The following CPQ variants were observed in gnomAD, a reference collection of about 807,000 sequenced individuals.
CPQ encodes carboxypeptidase Q, also known as Ser-Met dipeptidase.
Under a neutral mutation model 45.7 loss-of-function variants are expected in CPQ, and 37 were observed. The ratio of observed to expected loss-of-function variants is 0.81; its 90% CI spans 0.62 to 1.07. The LOEUF (loss-of-function observed/expected upper bound fraction) is 1.07, where lower values mean the gene tolerates loss of function less well. CPQ is among the 50% of genes least tolerant of loss of function. CPQ has a pLI of 0.00. For missense variants in CPQ, 537 were observed against 572.9 expected (o/e 0.94, Z 0.64); for synonymous variants, 186 against 205.8 (o/e 0.90, Z 0.82).
chr8:96,797,122 C>CT (rs762723931), intron 2 of CPQ, among the ~76,000 whole-genome samples: 1 of 152,190 alleles, frequency 6.6e-6, no homozygotes, highest in Non-Finnish European at 1.5e-5. Context: ...CACAGAAAAT[C>CT]TAGAGATTTT....
intron 7 of CPQ, among the ~76,000 whole-genome samples, chr8:97,117,564 TG>T (rs953129011): frequency 4.2e-4 from 64 of 152,186 alleles, no homozygotes; most frequent in African/African-American, 1.5e-3. Flanking sequence ...GACAGGATCT[TG>T]CCCTGTACCC....
intron 3 of CPQ, among the ~76,000 whole-genome samples, chr8:96,854,754 A>G (rs1811824391): frequency 6.6e-6 from 1 of 152,108 alleles, no homozygotes; most frequent in Non-Finnish European, 1.5e-5. Flanking sequence ...AAGTGAGCTA[A>G]TGCTTTAGTT....
intron 1 of CPQ, among the ~76,000 whole-genome samples, chr8:96,687,193 C>G (rs1809242987): frequency 6.6e-6 from 1 of 150,952 alleles, no homozygotes; most frequent in Non-Finnish European, 1.5e-5. Context: ...CTCTTCTCTT[C>G]TCTTCTTTTC....
intron 2 of CPQ, among the ~76,000 whole-genome samples, chr8:96,793,013 G>A (rs1411941571): frequency 1.3e-5 from 2 of 151,926 alleles, no homozygotes; most frequent in Non-Finnish European, 2.9e-5. Flanking sequence ...ACTATCACAA[G>A]AACAGCATGG....
chr8:96,810,679 C>T (rs1811150874), intron 2 of CPQ, among the ~76,000 whole-genome samples: 1 of 152,126 alleles, frequency 6.6e-6, no homozygotes, highest in Non-Finnish European at 1.5e-5. Flanking sequence ...ATATATTCAC[C>T]TTCAACTTTA....
chr8:97,074,514 G>T (rs928380069), intron 7 of CPQ, among the ~76,000 whole-genome samples: 1 of 152,218 alleles, frequency 6.6e-6, no homozygotes, highest in Non-Finnish European at 1.5e-5. Flanking sequence ...GCCCACGCCT[G>T]TAATCCCAGG....
intron 2 of CPQ, among the ~76,000 whole-genome samples, chr8:96,805,767 C>T (rs1252423847): frequency 6.6e-6 from 1 of 151,834 alleles, no homozygotes; most frequent in African/African-American, 2.4e-5. Context: ...AAACTTGGGA[C>T]CTCTCTGTTG....
chr8:96,703,592 T>C (rs1809496999), intron 1 of CPQ, among the ~76,000 whole-genome samples: 1 of 152,180 alleles, frequency 6.6e-6, no homozygotes, highest in Admixed American at 6.5e-5. Flanking sequence ...GTTGTTCTAA[T>C]TGCCTTCTGG....
intron 7 of CPQ, among the ~76,000 whole-genome samples, chr8:97,066,877 G>T (rs1294648507): frequency 6.7e-6 from 1 of 148,838 alleles, no homozygotes; most frequent in East Asian, 2.0e-4. Context: ...ACATGAGGAG[G>T]TTACTTACAG....
chr8:96,982,488 A>G (rs570074830), intron 5 of CPQ, among the ~76,000 whole-genome samples: 1 of 152,136 alleles, frequency 6.6e-6, no homozygotes, highest in African/African-American at 2.4e-5. Flanking sequence ...ACAGGCATGC[A>G]CCACCATACC....
intron 6 of CPQ, among the ~76,000 whole-genome samples, chr8:97,043,890 G>T (rs918227733): frequency 6.6e-6 from 1 of 152,174 alleles, no homozygotes; most frequent in Non-Finnish European, 1.5e-5. Flanking sequence ...TGGGTAACCC[G>T]ACCTTTCTCT....
chr8:96,689,549 A>G (rs1202649622), intron 1 of CPQ, among the ~76,000 whole-genome samples: 1 of 152,208 alleles, frequency 6.6e-6, no homozygotes, highest in African/African-American at 2.4e-5. Flanking sequence ...GGAAAAAGGG[A>G]AGAAGGGAAC....
chr8:96,915,459 A>G (rs988406158), intron 4 of CPQ, among the ~76,000 whole-genome samples: 8 of 152,240 alleles, frequency 5.3e-5, no homozygotes, highest in African/African-American at 1.9e-4. Flanking sequence ...TAATATTTGC[A>G]TAAAAGGAAA....
intron 2 of CPQ, among the ~76,000 whole-genome samples, chr8:96,824,738 C>A (rs915481779): frequency 2.0e-5 from 3 of 151,916 alleles, no homozygotes; most frequent in South Asian, 2.1e-4. Flanking sequence ...TAAATTATTA[C>A]TGTTGTTAAA....
chr8:96,913,245 G>A (rs1018445386), intron 4 of CPQ, among the ~76,000 whole-genome samples: 2 of 152,194 alleles, frequency 1.3e-5, no homozygotes, highest in African/African-American at 2.4e-5. Context: ...CCACACTGCT[G>A]GTGGGGCTGG....
intron 5 of CPQ, among the ~76,000 whole-genome samples, chr8:97,003,157 A>G (rs1809314214): frequency 6.6e-6 from 1 of 152,094 alleles, no homozygotes; most frequent in Non-Finnish European, 1.5e-5. Flanking sequence ...GTGTCATTGC[A>G]TGTGACATTG....
intron 7 of CPQ, among the ~76,000 whole-genome samples, chr8:97,118,467 T>G (rs1811634005): frequency 6.6e-6 from 1 of 152,230 alleles, no homozygotes; most frequent in Non-Finnish European, 1.5e-5. Flanking sequence ...AGGAGACTCA[T>G]GCTATAGTTT....
intron 5 of CPQ, among the ~76,000 whole-genome samples, chr8:96,988,388 C>T (rs1038701486): frequency 6.6e-5 from 10 of 152,062 alleles, no homozygotes; most frequent in Non-Finnish European, 1.3e-4. Context: ...CATACATATT[C>T]GGAGTTTTTA....
At chr8:96,884,278 T>G (rs1348110892) in intron 4 of CPQ, among the ~76,000 whole-genome samples, 1 of 152,210 alleles carries the variant, frequency 6.6e-6, no homozygotes, top group Admixed American at 6.5e-5. Flanking sequence ...TAAAAAAAAA[T>G]TCTGTTCCTA....
Sources: allele counts gnomAD v4.1 joint callset (sites outside exome capture counted in the v4.1 genomes callset), GRCh38; gene constraint gnomAD v4.1.1; transcripts MANE v1.5; gene names NCBI Gene and HGNC (gene_info 2026-07-23, HGNC 2026-07-21).